CSGALNACT1: variants seen among roughly 807,000 people sequenced by gnomAD.
The protein encoded by CSGALNACT1 is chondroitin sulfate N-acetylgalactosaminyltransferase 1, also known as beta4GalNAcT-1.
In CSGALNACT1, 52 loss-of-function variants were observed where a neutral mutation model predicts 51.0. That is an observed-to-expected ratio of 1.02 (90% confidence interval 0.82 to 1.29). The LOEUF is 1.29. Ranked by LOEUF, CSGALNACT1 falls within the 50% of genes most tolerant of loss-of-function variation. The probability of loss-of-function intolerance (pLI) is 0.00; values close to 1 mark genes in which losing one functional copy is unlikely to be tolerated. For synonymous variants in CSGALNACT1, 341 were observed against 254.4 expected (o/e 1.34, Z -3.24); for missense variants, 935 against 679.2 (o/e 1.38, Z -4.19).
intron 3 of CSGALNACT1, among the ~76,000 whole-genome samples, chr8:19,558,784 T>C (rs1455662588): frequency 2.0e-5 from 3 of 152,154 alleles, no homozygotes; most frequent in African/African-American, 7.2e-5. Context: ...GAACAAGTTT[T>C]AAATCCAGTT....
chr8:19,453,641 G>C (rs182443708), intron 5 of CSGALNACT1, among the ~76,000 whole-genome samples: 2 of 152,346 alleles, frequency 1.3e-5, no homozygotes, highest in Non-Finnish European at 2.9e-5. Context: ...GCCAGGTGTG[G>C]TGGCTCACAC....
chr8:19,599,025 G>T (rs75855293), intron 2 of CSGALNACT1, among the ~76,000 whole-genome samples: 2 of 152,138 alleles, frequency 1.3e-5, no homozygotes, highest in Non-Finnish European at 2.9e-5. Flanking sequence ...GCTAGGTAGA[G>T]AGAGTGTGGA....
In CSGALNACT1 at chr8:19,749,461, C is replaced by T. The variant is rs553720971; in HGVS notation, c.-297+8389G>A. 7.2e-5 allele frequency among the ~76,000 whole-genome samples: 11 copies of T among 152,160 alleles called. No homozygotes were observed. The East Asian group carries it at 7.7e-4, about 11-fold the overall frequency. ...CTATGTGCCATGGCATAATAAATAA[C>T]GAGTTAAGGCTTCCTGCTCCTGGCT... is the stretch of plus-strand genomic sequence containing the variant. On this transcript the variant is annotated intron_variant, in intron 1 of 1. Coordinates refer to the CSGALNACT1 transcript ENST00000517494.
chr8:19,670,002 C>A (rs529237648), intron 1 of CSGALNACT1, among the ~76,000 whole-genome samples: 1 of 152,114 alleles, frequency 6.6e-6, no homozygotes, highest in Non-Finnish European at 1.5e-5. Flanking sequence ...ATTATTTCCA[C>A]CTGGAATTCT....
intron 3 of CSGALNACT1, among the ~76,000 whole-genome samples, chr8:19,509,292 G>A (rs1563810316): frequency 6.6e-6 from 1 of 152,104 alleles, no homozygotes; most frequent in Admixed American, 6.6e-5. Flanking sequence ...AAGACTTCAT[G>A]TTTTTCCTTC....
At chr8:19,452,402 G>A (rs1400398165) in intron 5 of CSGALNACT1, among the ~76,000 whole-genome samples, 2 of 131,934 alleles carry the variant, frequency 1.5e-5, no homozygotes, top group Non-Finnish European at 3.2e-5. Context: ...AATTACTTGT[G>A]AACTAACCCC....
At chr8:19,512,788 T>A (rs2078705771) in intron 3 of CSGALNACT1, among the ~76,000 whole-genome samples, 1 of 152,168 alleles carries the variant, frequency 6.6e-6, no homozygotes, top group African/African-American at 2.4e-5. Context: ...TCTTGAACAA[T>A]GGTCATTAAT....
At chr8:19,488,820 T>G (rs2073714686) in intron 4 of CSGALNACT1, among the ~76,000 whole-genome samples, 1 of 152,188 alleles carries the variant, frequency 6.6e-6, no homozygotes, top group African/African-American at 2.4e-5. Context: ...CTAAGAACCC[T>G]GTATACCTGA....
intron 1 of CSGALNACT1, among the ~76,000 whole-genome samples, chr8:19,752,739 C>T (rs1222009769): frequency 2.0e-5 from 3 of 152,150 alleles, no homozygotes; most frequent in Non-Finnish European, 2.9e-5. Context: ...CTCAAATGTC[C>T]TTTGTGTGTG....
chr8:19,581,270 G>A (rs1305724911), intron 3 of CSGALNACT1, among the ~76,000 whole-genome samples: 1 of 152,126 alleles, frequency 6.6e-6, no homozygotes, highest in African/African-American at 2.4e-5. Flanking sequence ...AGGAGAGCAG[G>A]TAATACTGCC....
At chr8:19,426,369 T>TG (rs1389717143) in intron 6 of CSGALNACT1, among the ~76,000 whole-genome samples, 6 of 152,070 alleles carry the variant, frequency 3.9e-5, no homozygotes, top group Non-Finnish European at 7.4e-5. Context: ...TTTAAGAAGA[T>TG]GAAAAATATG....
intron 3 of CSGALNACT1, among the ~76,000 whole-genome samples, chr8:19,532,484 T>C (rs999729947): frequency 4.6e-5 from 7 of 152,172 alleles, no homozygotes; most frequent in African/African-American, 1.7e-4. Flanking sequence ...GTTCCTATCA[T>C]GACAAAAGAG....
At chr8:19,410,321 G>C (rs1288351841) in intron 8 of CSGALNACT1, among the ~76,000 whole-genome samples, 2 of 152,174 alleles carry the variant, frequency 1.3e-5, no homozygotes, top group Non-Finnish European at 2.9e-5. Flanking sequence ...TTGTAAGGCG[G>C]CAAAGTCTGG....
At chr8:19,432,163 A>G (rs1190071774) in intron 6 of CSGALNACT1, among the ~76,000 whole-genome samples, 4 of 152,134 alleles carry the variant, frequency 2.6e-5, no homozygotes, top group African/African-American at 9.7e-5. Context: ...TTAGTGATGA[A>G]GTCTCTTTAT....
chr8:19,727,197 A>C (rs757027164), intron 1 of CSGALNACT1, among the ~76,000 whole-genome samples: 1 of 152,234 alleles, frequency 6.6e-6, no homozygotes, highest in East Asian at 1.9e-4. Flanking sequence ...TATGGAAAGG[A>C]GTGGATGATG....
chr8:19,687,114 T>G (rs1445802258), upstream of CSGALNACT1, among the ~76,000 whole-genome samples: 1 of 152,036 alleles, frequency 6.6e-6, no homozygotes, highest in Non-Finnish European at 1.5e-5. Flanking sequence ...CATTAAGAAC[T>G]GCAAAAAATG....
At chr8:19,646,123 G>A (rs1366277408) in intron 1 of CSGALNACT1, among the ~76,000 whole-genome samples, 2 of 152,222 alleles carry the variant, frequency 1.3e-5, no homozygotes, top group Admixed American at 1.3e-4. Flanking sequence ...GAAGAAGATT[G>A]GCAGTGATGG....
At chr8:19,555,357 A>G (rs926372300) in intron 3 of CSGALNACT1, among the ~76,000 whole-genome samples, 2 of 152,212 alleles carry the variant, frequency 1.3e-5, no homozygotes, top group Non-Finnish European at 2.9e-5. Flanking sequence ...AAAGAGAACC[A>G]GGAATGTTTG....
upstream of CSGALNACT1, among the ~76,000 whole-genome samples, chr8:19,606,980 C>A (rs577143141): frequency 1.3e-5 from 2 of 152,116 alleles, no homozygotes; most frequent in Non-Finnish European, 2.9e-5. Flanking sequence ...ACGGGGAAAC[C>A]CTGTCTGTAC....
Sources: allele counts gnomAD v4.1 joint callset (sites outside exome capture counted in the v4.1 genomes callset), GRCh38; gene constraint gnomAD v4.1.1; transcripts MANE v1.5; gene names NCBI Gene and HGNC (gene_info 2026-07-23, HGNC 2026-07-21).